The following THSD7B variants were observed in gnomAD, a reference collection of about 807,000 sequenced individuals.
THSD7B encodes thrombospondin type-1 domain-containing protein 7B.
A neutral mutation model predicts 213.6 loss-of-function variants in THSD7B; 138 were observed. That is an observed-to-expected ratio of 0.65 (90% CI 0.56 to 0.74). The LOEUF is 0.74. THSD7B is among the 30% of genes least tolerant of loss of function. The probability of loss-of-function intolerance (pLI) is 0.00; values close to 1 mark genes in which losing one functional copy is unlikely to be tolerated. For missense variants in THSD7B, 1,931 were observed against 1,991.5 expected (o/e 0.97, Z 0.58); for synonymous variants, 742 against 687.0 (o/e 1.08, Z -1.25).
At chr2:137,440,436 C>G (rs1687382840) in intron 14 of THSD7B, among the ~76,000 whole-genome samples, 1 of 151,470 alleles carries the variant, frequency 6.6e-6, no homozygotes, top group African/African-American at 2.4e-5. Flanking sequence ...CCACCCTCCT[C>G]TCCAATAACC....
chr2:136,859,307 G>A (rs1649538), intron 1 of THSD7B, among the ~76,000 whole-genome samples: 54,064 of 152,018 alleles, frequency 0.36, 10,095 homozygotes, highest in Non-Finnish European at 0.42. Context: ...CTGAAATGAG[G>A]CCTTTTCATG....
chr2:137,138,782 A>C (rs936387618), intron 5 of THSD7B, among the ~76,000 whole-genome samples: 1 of 152,172 alleles, frequency 6.6e-6, no homozygotes, highest in Non-Finnish European at 1.5e-5. Context: ...TGTATCTGAA[A>C]GTTTTGCAAA....
chr2:136,794,616 C>T (rs974767503), intron 1 of THSD7B, among the ~76,000 whole-genome samples: 1 of 151,826 alleles, frequency 6.6e-6, no homozygotes, highest in Non-Finnish European at 1.5e-5. Context: ...CAAATGCATG[C>T]TTTATTTTGG....
chr2:137,605,649 T>C (rs1312215346), intron 17 of THSD7B, among the ~76,000 whole-genome samples: 2 of 12,592 alleles, frequency 1.6e-4, no homozygotes, highest in Non-Finnish European at 3.5e-4. Context: ...CACTTCGCAC[T>C]TTTTTTTTTT....
At chr2:136,933,136 C>CTTCCTTCCTTCCTTCT (rs1684661582) in intron 2 of THSD7B, among the ~76,000 whole-genome samples, 4 of 57,724 alleles carry the variant, frequency 6.9e-5, no homozygotes, top group Non-Finnish European at 2.1e-4. Context: ...TCCTTCCTTC[C>CTTCCTTCCTTCCTTCT]TTCCTTCCTT....
intron 12 of THSD7B, among the ~76,000 whole-genome samples, chr2:137,298,340 G>T (rs1683516305): frequency 6.6e-6 from 1 of 152,100 alleles, no homozygotes; most frequent in South Asian, 2.1e-4. Flanking sequence ...AGGTGACTTG[G>T]GTGCCGTTAA....
At chr2:136,888,165 C>A (rs1683751328) in intron 2 of THSD7B, among the ~76,000 whole-genome samples, 1 of 151,980 alleles carries the variant, frequency 6.6e-6, no homozygotes, top group African/African-American at 2.4e-5. Context: ...ATTTCACTGG[C>A]TTTTTTAGGT....
chr2:137,532,692 T>A (rs1680421406), intron 15 of THSD7B, among the ~76,000 whole-genome samples: 1 of 151,860 alleles, frequency 6.6e-6, no homozygotes, highest in Admixed American at 6.6e-5. Flanking sequence ...TGCATCTTTG[T>A]TTCTCTTTCT....
At chr2:137,421,800 G>A (rs1315855142) in intron 14 of THSD7B, among the ~76,000 whole-genome samples, 1 of 152,134 alleles carries the variant, frequency 6.6e-6, no homozygotes, top group Non-Finnish European at 1.5e-5. Flanking sequence ...TGTTTCCTGA[G>A]GCCTAACACA....
intron 2 of THSD7B, among the ~76,000 whole-genome samples, chr2:136,915,695 C>A (rs1375032729): frequency 6.6e-6 from 1 of 152,166 alleles, no homozygotes; most frequent in Non-Finnish European, 1.5e-5. Flanking sequence ...AAGTACCTGG[C>A]CCATGGTTAC....
intron 2 of THSD7B, among the ~76,000 whole-genome samples, chr2:136,970,346 C>T (rs1276870289): frequency 6.6e-6 from 1 of 151,932 alleles, no homozygotes; most frequent in Non-Finnish European, 1.5e-5. Flanking sequence ...AGCCTGTGGT[C>T]CTCCTGCTCC....
intron 3 of THSD7B, among the ~76,000 whole-genome samples, chr2:137,092,290 G>C (rs1687962904): frequency 6.6e-6 from 1 of 151,986 alleles, no homozygotes; most frequent in African/African-American, 2.4e-5. Context: ...TTGTGCATCT[G>C]TAGTCCCAGC....
intron 2 of THSD7B, among the ~76,000 whole-genome samples, chr2:137,008,390 A>G (rs1334235005): frequency 6.6e-6 from 1 of 152,194 alleles, no homozygotes; most frequent in Non-Finnish European, 1.5e-5. Flanking sequence ...AAGGGGAACT[A>G]TAAAACAAGT....
chr2:137,055,849 A>T lies in THSD7B; in HGVS notation c.140-571A>T, dbSNP rs568517767. Among the ~76,000 whole-genome samples, 5 of 152,324 alleles carry T rather than the reference A, an allele frequency of 3.3e-5. No homozygotes were observed. The South Asian group carries it at 8.3e-4, about 25-fold the overall frequency. ...GCAAGTACTAACCAAAACTGAGGACAATTATTTTGAAAATGAAAATAGGAT... is the reference window on the plus strand; with the variant it reads ...GCAAGTACTAACCAAAACTGAGGACTATTATTTTGAAAATGAAAATAGGAT... On this transcript the variant is annotated intron_variant, in intron 2 of 27. Transcript: ENST00000409968.
intron 14 of THSD7B, among the ~76,000 whole-genome samples, chr2:137,428,017 C>T (rs1383126764): frequency 6.6e-6 from 1 of 151,960 alleles, no homozygotes; most frequent in Non-Finnish European, 1.5e-5. Context: ...ATAAGGACAA[C>T]ATACAGGATG....
intron 2 of THSD7B, among the ~76,000 whole-genome samples, chr2:136,988,355 G>A (rs1166720609): frequency 6.6e-6 from 1 of 152,178 alleles, no homozygotes; most frequent in East Asian, 1.9e-4. Context: ...TTTACCTATT[G>A]TGGAAAAGAA....
chr2:137,641,371 TG>T (rs1682934675), intron 20 of THSD7B, among the ~76,000 whole-genome samples: 1 of 152,244 alleles, frequency 6.6e-6, no homozygotes, highest in Admixed American at 6.5e-5. Flanking sequence ...AAAGTTCCAC[TG>T]CTCATGGCAG....
At chr2:137,005,481 A>T (rs960682224) in intron 2 of THSD7B, among the ~76,000 whole-genome samples, 3 of 152,178 alleles carry the variant, frequency 2.0e-5, no homozygotes, top group South Asian at 2.1e-4. Flanking sequence ...GAGTTGTGAG[A>T]TCTTTAATGT....
intron 15 of THSD7B, among the ~76,000 whole-genome samples, chr2:137,535,305 A>G (rs531228482): frequency 6.7e-4 from 102 of 151,908 alleles, no homozygotes; most frequent in African/African-American, 2.4e-3. Context: ...TATGAAAAAA[A>G]AAAGCAAAGG....
Sources: gnomAD v4.1 joint callset for allele counts (sites outside exome capture counted in the v4.1 genomes callset) on GRCh38, gnomAD v4.1.1 for gene constraint, MANE v1.5 for transcripts, NCBI Gene and HGNC (gene_info 2026-07-23, HGNC 2026-07-21) for gene names.